Variants in MUC21 observed in about 807,000 individuals in gnomAD.
MUC21 encodes mucin-21.
MUC21 carries 8 observed loss-of-function variants against 9.1 expected under a neutral mutation model. The observed-to-expected ratio is 0.88, with a 90% CI of 0.52 to 1.59. The LOEUF is 1.59. Ranked by LOEUF, MUC21 falls within the 40% of genes most tolerant of loss-of-function variation. MUC21 has a pLI of 0.00. For synonymous variants in MUC21, 189 were observed against 275.2 expected (o/e 0.69, Z 3.10); for missense variants, 478 against 694.2 (o/e 0.69, Z 3.50).
chr6:30,984,251 A>C, intron 1 of MUC21: 1 of 480,448 alleles, frequency 2.1e-6, no homozygotes. Flanking sequence ...TCCATCTATT[A>C]ACTGTGTACT....
chr6:30,986,257 A>G lies in MUC21; in HGVS notation c.82A>G (p.Ser28Gly). The G allele has an allele frequency of 6.2e-7, 1 of 1,613,374 alleles. No homozygotes were observed. Among genetic ancestry groups the G allele is most frequent in the Non-Finnish European group, 8.5e-7 (1 of 1,179,396 alleles). Reference sequence around the variant, plus strand: ...TTCAGCAACAAATTCCAATGAGACTAGCACCTCTGCCAACACTGGATCCAG... The same window carrying G: ...TTCAGCAACAAATTCCAATGAGACTGGCACCTCTGCCAACACTGGATCCAG... ...LEAATNSNET[S>G]TSANTGSSVI... Residue 28 changes from serine to glycine, a missense_variant, in exon 2 of 3, where the codon AGC (serine) becomes GGC (glycine). Ser to Gly is a moderately conservative substitution (Grantham distance 56, BLOSUM62 0). Coordinates refer to ENST00000376296, the MANE Select transcript of MUC21 (RefSeq NM_001010909.5).
In MUC21 at chr6:30,989,821, G is replaced by C. The variant is rs1483391407; in HGVS notation, c.*1627G>C. 2.0e-5 allele frequency: 3 copies of C among 152,200 alleles called. No homozygotes were observed. The highest frequency in any genetic ancestry group is 4.4e-5 in the Non-Finnish European group (3 of 68,038). 9.4% of individuals were successfully genotyped at this position (152,200 alleles called of 1,614,324 possible). A position where few individuals can be genotyped will look rare whatever the true frequency, so the allele number is the denominator to read the frequency against. ...CTAGAAAGGATATTTTTTGGAGAGG[G>C]AGTGTGGGAATCCACCATCTTGTGG... is the stretch of plus-strand genomic sequence containing the variant. On this transcript the variant is annotated 3_prime_UTR_variant, in exon 3 of 3. Coordinates refer to ENST00000376296, the MANE Select transcript of MUC21 (RefSeq NM_001010909.5).
Position 30,983,923 on chromosome 6 carries a change from A to T in MUC21, c.-36A>T. 1 of 778,566 alleles carries T rather than the reference A, an allele frequency of 1.3e-6. No individual in the cohort carries two copies. Among genetic ancestry groups the T allele is most frequent in the Non-Finnish European group, 2.4e-6 (1 of 417,590 alleles). 48.2% of individuals were successfully genotyped at this position (778,566 alleles called of 1,614,324 possible). ...CCTCTAAAGTCTTGGTACATCTAGG[A>T]CCCAGGCATCTTGCTTTCCAGCCAC... On this transcript the variant is annotated 5_prime_UTR_variant, in exon 1 of 3. Transcript: ENST00000376296.
chr6:30,984,806 C>G (rs1443977733), intron 1 of MUC21, among the ~76,000 whole-genome samples: 1 of 151,810 alleles, frequency 6.6e-6, no homozygotes, highest in Non-Finnish European at 1.5e-5. Flanking sequence ...GAAACTCCAT[C>G]TCTACTAAAA....
intron 1 of MUC21, among the ~76,000 whole-genome samples, chr6:30,984,456 G>C (rs1223392620): frequency 6.6e-6 from 1 of 152,076 alleles, no homozygotes; most frequent in East Asian, 1.9e-4. Flanking sequence ...AGGTCATTGA[G>C]GTCAGAAGTT....
intron 1 of MUC21, chr6:30,984,223 C>T (rs1033347032): frequency 2.5e-5 from 13 of 518,218 alleles, no homozygotes; most frequent in Non-Finnish European, 4.1e-5. Context: ...CTCACATTGC[C>T]TACATTTGAA....
chr6:30,988,243 G>A lies in MUC21; in HGVS notation c.*49G>A. ...ATTCTTCAGGAAGGAAGAGACCTGG[G>A]CACCCAAGACCTGGTTTCCTTTCAT... On this transcript the variant is annotated 3_prime_UTR_variant, in exon 3 of 3. Transcript: ENST00000376296. 6.5e-7 allele frequency: 1 copy of A among 1,534,984 alleles called. No individual in the cohort carries two copies. Among genetic ancestry groups the A allele is most frequent in the South Asian group, 1.2e-5 (1 of 82,580 alleles).
Position 30,989,526 on chromosome 6 carries a change from G to T in MUC21, c.*1332G>T, listed in dbSNP as rs1762536887. 1 of 152,172 alleles carries T rather than the reference G, an allele frequency of 6.6e-6. No homozygotes were observed. Among genetic ancestry groups the T allele is most frequent in the Admixed American group, 6.5e-5 (1 of 15,272 alleles). 9.4% of individuals were successfully genotyped at this position (152,172 alleles called of 1,614,324 possible). On this transcript the variant is annotated 3_prime_UTR_variant, in exon 3 of 3. Transcript: ENST00000376296. ...GACAGGGCCTCACTCTGTTGCACAA[G>T]CTGGTCTTGAACTCCTGGCCTCCTT...
Position 30,989,406 on chromosome 6 carries a change from G to A in MUC21, c.*1212G>A, listed in dbSNP as rs1371666092. Reference sequence around the variant, plus strand: ...AGCTCATTGCAGCCTTCAATTCCTGGGCTCAGGCAATCCTCCTGCCTCAGC... The same window carrying A: ...AGCTCATTGCAGCCTTCAATTCCTGAGCTCAGGCAATCCTCCTGCCTCAGC... On this transcript the variant is annotated 3_prime_UTR_variant, in exon 3 of 3. Coordinates refer to ENST00000376296, the MANE Select transcript of MUC21 (RefSeq NM_001010909.5). The A allele has an allele frequency of 6.6e-6, 1 of 152,054 alleles. No individual in the cohort carries two copies. Among genetic ancestry groups the A allele is most frequent in the African/African-American group, 2.4e-5 (1 of 41,350 alleles). 9.4% of individuals were successfully genotyped at this position (152,054 alleles called of 1,614,324 possible).
Position 30,987,699 on chromosome 6 carries a change from A to C in MUC21, c.1506+18A>C. ...TCTGTGTGGTGAGTGCCTAATATGT[A>C]AGAAAATGCCTGGGGGAAGGAGCAG... On this transcript the variant is annotated intron_variant, in intron 2 of 2. Coordinates refer to ENST00000376296, the MANE Select transcript of MUC21 (RefSeq NM_001010909.5). 1 of 1,607,030 alleles carries C rather than the reference A, an allele frequency of 6.2e-7. No homozygotes were observed. The highest frequency in any genetic ancestry group is 8.5e-7 in the Non-Finnish European group (1 of 1,177,336).
Position 30,987,582 on chromosome 6 carries a change from G to A in MUC21, c.1407G>A (p.Ala469=), listed in dbSNP as rs2844677. The change falls in exon 2 of 3, where the codon GCG becomes GCA. Residue 469 remains alanine (A), a synonymous_variant. Transcript: ENST00000376296. Reference sequence around the variant, plus strand: ...GTGCATCTACTGCAGTGAGTGAGGCGAAGCCTGGTGGGTCCCTGGTGCCGT... The same window carrying A: ...GTGCATCTACTGCAGTGAGTGAGGCAAAGCCTGGTGGGTCCCTGGTGCCGT... ...SHSASTAVSE[A]KPGGSLVPWE... 0.077 allele frequency: 123,714 copies of A among 1,614,082 alleles called. 5,558 individuals carry two copies. Among genetic ancestry groups the A allele is most frequent in the African/African-American group, 0.14 (10,572 of 75,006 alleles).
rs1762546350 is a variant in MUC21 at position 30,989,756 on chromosome 6, G to C, written c.*1562G>C. On this transcript the variant is annotated 3_prime_UTR_variant, in exon 3 of 3. Coordinates refer to ENST00000376296, the MANE Select transcript of MUC21 (RefSeq NM_001010909.5). ...CATGGGTTTCAGCAAGAAAGTCTGT[G>C]ATGTGACCAGTTGCACATGTTTTCC... The C allele has an allele frequency of 6.6e-6, 1 of 152,278 alleles. No individual in the cohort carries two copies. Among genetic ancestry groups the C allele is most frequent in the Non-Finnish European group, 1.5e-5 (1 of 68,050 alleles). The allele number at this position is 152,278 out of a possible 1,614,324, so 9.4% of individuals were successfully genotyped here.
At chr6:30,987,852 G>A (rs574260384) in intron 2 of MUC21, 148 bp from the exon 3 acceptor site, 48 of 1,183,826 alleles carry the variant, frequency 4.1e-5, no homozygotes, top group African/African-American at 2.3e-4. Flanking sequence ...GCTGACCTGC[G>A]GGAAAAGGGG....
At position 30,987,318 on chromosome 6, in the gene MUC21, C is replaced by T. The variant is rs758135449; in HGVS notation, c.1143C>T (p.Ser381=). Residue 381 remains serine (S), a synonymous_variant, in exon 2 of 3, where the codon AGC becomes AGT. Coordinates refer to ENST00000376296, the MANE Select transcript of MUC21 (RefSeq NM_001010909.5). The part of the protein sequence containing the change: ...GTSTATNSES[S]TVSSGASTAT... ...GCACAGCCACCAACTCTGAGTCCAG[C>T]ACAGTGTCCAGTGGGGCCAGCACAG... is the stretch of plus-strand genomic sequence containing the variant. The T allele has an allele frequency of 3.2e-6, 5 of 1,567,260 alleles. 1 individual carries two copies. Among genetic ancestry groups the T allele is most frequent in the Non-Finnish European group, 4.3e-6 (5 of 1,150,868 alleles).
In MUC21 at chr6:30,988,212, T is replaced by G; in HGVS notation, c.*18T>G. The G allele has an allele frequency of 6.2e-7, 1 of 1,600,334 alleles. No homozygotes were observed. Among genetic ancestry groups the G allele is most frequent in the Non-Finnish European group, 8.5e-7 (1 of 1,174,744 alleles). ...GGCCCTGAGCAGCCCCGGAAGCAAGTGCCGCATTCTTCAGGAAGGAAGAGA... is the reference window on the plus strand; with the variant it reads ...GGCCCTGAGCAGCCCCGGAAGCAAGGGCCGCATTCTTCAGGAAGGAAGAGA... On this transcript the variant is annotated 3_prime_UTR_variant, in exon 3 of 3. Coordinates refer to ENST00000376296, the MANE Select transcript of MUC21 (RefSeq NM_001010909.5).
Position 30,986,262 on chromosome 6 carries a change from C to G in MUC21, c.87C>G (p.Thr29=). Residue 29 remains threonine, a synonymous_variant, in exon 2 of 3, where the codon ACC becomes ACG. Coordinates refer to ENST00000376296, the MANE Select transcript of MUC21 (RefSeq NM_001010909.5). ...EAATNSNETS[T]SANTGSSVIS... is the part of the protein sequence containing the mutation. ...CAACAAATTCCAATGAGACTAGCAC[C>G]TCTGCCAACACTGGATCCAGTGTGA... 6.2e-7 allele frequency: 1 copy of G among 1,613,484 alleles called. No individual in the cohort carries two copies. The highest frequency in any genetic ancestry group is 8.5e-7 in the Non-Finnish European group (1 of 1,179,558).
chr6:30,987,210 C>T lies in MUC21; in HGVS notation c.1035C>T (p.Ala345=). 6.3e-7 allele frequency: 1 copy of T among 1,596,648 alleles called. No homozygotes were observed. Among genetic ancestry groups the T allele is most frequent in the Non-Finnish European group, 8.6e-7 (1 of 1,168,618 alleles). The change falls in exon 2 of 3, where the codon GCC becomes GCT. Residue 345 remains alanine (A), a synonymous_variant. Transcript: ENST00000376296. ...CGACCTCCAGTGGGGCCAGCACAGCCACCAACTCTGAGTCCAGCACAACCT... is the reference window on the plus strand; with the variant it reads ...CGACCTCCAGTGGGGCCAGCACAGCTACCAACTCTGAGTCCAGCACAACCT... ...SSTTSSGAST[A]TNSESSTTSS...
At position 30,987,638 on chromosome 6, in the gene MUC21, T is replaced by A; in HGVS notation, c.1463T>A (p.Val488Asp). The change falls in exon 2 of 3, where the codon GTT becomes GAT. Residue 488 changes from valine (V) to aspartate (D), a missense_variant. This residue lies in a region of MUC21 where 158 missense variants were observed against 192.6 expected (regional missense o/e 0.82). Coordinates refer to ENST00000376296, the MANE Select transcript of MUC21 (RefSeq NM_001010909.5). Reference protein sequence around the residue: ...WEIFLITLVSVVAAVGLFAGL... With the variant: ...WEIFLITLVSDVAAVGLFAGL... ...ATCTTCCTCATCACCCTGGTCTCGG[T>A]TGTGGCGGCCGTGGGGCTCTTTGCT... The A allele has an allele frequency of 1.9e-6, 3 of 1,614,154 alleles. No individual in the cohort carries two copies. Among genetic ancestry groups the A allele is most frequent in the Non-Finnish European group, 2.5e-6 (3 of 1,180,022 alleles).
chr6:30,986,163 T>A, intron 1 of MUC21, 74 bp from the exon 2 acceptor site: 1 of 1,253,102 alleles, frequency 8.0e-7, no homozygotes, highest in Non-Finnish European at 1.1e-6. Context: ...TAAAATTATG[T>A]AATGAATTTA....
Sources: allele counts gnomAD v4.1 joint callset (sites outside exome capture counted in the v4.1 genomes callset), GRCh38; gene constraint gnomAD v4.1.1; regional missense constraint gnomAD v4.1.1; transcripts MANE v1.5; gene names NCBI Gene and HGNC (gene_info 2026-07-23, HGNC 2026-07-21).